The following DCC variants were observed in gnomAD, a reference collection of about 807,000 sequenced individuals.
DCC encodes DCC netrin 1 receptor, also known as netrin receptor DCC.
DCC carries 58 observed loss-of-function variants against 172.5 expected under a neutral mutation model. The observed-to-expected ratio is 0.34, with a 90% CI of 0.27 to 0.42. The LOEUF (loss-of-function observed/expected upper bound fraction) is 0.42, where lower values mean the gene tolerates loss of function less well. Ranked by LOEUF, DCC falls within the 10% of genes least tolerant of loss-of-function variation. The pLI is 1.00. For synonymous variants in DCC, 709 were observed against 644.5 expected (o/e 1.10, Z -1.52); for missense variants, 1,740 against 1,791.0 (o/e 0.97, Z 0.51).
At chr18:52,401,879 C>T (rs1250042500) in intron 1 of DCC, among the ~76,000 whole-genome samples, 1 of 151,880 alleles carries the variant, frequency 6.6e-6, no homozygotes, top group Non-Finnish European at 1.5e-5. Flanking sequence ...TAATTCTCTA[C>T]AAAAATGTAA....
At chr18:52,623,670 C>T (rs902971466) in intron 1 of DCC, among the ~76,000 whole-genome samples, 1 of 152,150 alleles carries the variant, frequency 6.6e-6, no homozygotes, top group East Asian at 1.9e-4. Context: ...ATTTTCTAAA[C>T]AAGGTTATTC....
chr18:53,467,250 C>G (rs1254495362), intron 24 of DCC, among the ~76,000 whole-genome samples: 3 of 152,008 alleles, frequency 2.0e-5, no homozygotes, highest in Non-Finnish European at 4.4e-5. Flanking sequence ...GGAACATACA[C>G]TATTCAGAAC....
chr18:52,580,530 G>A (rs1020086925), intron 1 of DCC, among the ~76,000 whole-genome samples: 1 of 152,166 alleles, frequency 6.6e-6, no homozygotes, highest in Non-Finnish European at 1.5e-5. Context: ...TTAAGCCATA[G>A]CTGAAGCCAT....
At chr18:53,524,903 A>G (rs1032373330) in intron 27 of DCC, among the ~76,000 whole-genome samples, 1 of 152,006 alleles carries the variant, frequency 6.6e-6, no homozygotes, top group Non-Finnish European at 1.5e-5. Context: ...TGGCACCCCC[A>G]TGTGTGAACT....
At chr18:53,190,933 G>GA (rs1357582264) in intron 9 of DCC, among the ~76,000 whole-genome samples, 1 of 152,084 alleles carries the variant, frequency 6.6e-6, no homozygotes, top group Non-Finnish European at 1.5e-5. Flanking sequence ...GAGACAGAGC[G>GA]GACTCCGTCT....
chr18:52,463,661 G>A (rs1011053172), intron 1 of DCC, among the ~76,000 whole-genome samples: 5 of 152,142 alleles, frequency 3.3e-5, no homozygotes, highest in South Asian at 4.1e-4. Context: ...GTCTTAGGTG[G>A]AGGTAACTGT....
At chr18:52,916,606 C>T (rs1241161250) in intron 3 of DCC, among the ~76,000 whole-genome samples, 1 of 152,094 alleles carries the variant, frequency 6.6e-6, no homozygotes, top group African/African-American at 2.4e-5. Flanking sequence ...TTCAAAATAC[C>T]AGCTAGATCA....
chr18:53,010,211 A>T (rs1209851572), intron 5 of DCC, among the ~76,000 whole-genome samples: 1 of 151,934 alleles, frequency 6.6e-6, no homozygotes, highest in African/African-American at 2.4e-5. Context: ...TGTTGTCATG[A>T]TTGAAAATAC....
At chr18:52,355,061 G>A (rs1446006468) in intron 1 of DCC, among the ~76,000 whole-genome samples, 1 of 152,162 alleles carries the variant, frequency 6.6e-6, no homozygotes, top group East Asian at 1.9e-4. Flanking sequence ...GATAAAGTAG[G>A]TGAATAATTA....
chr18:52,777,770 G>GGGGAAAAAA (rs369140038), intron 2 of DCC, among the ~76,000 whole-genome samples: 244 of 138,792 alleles, frequency 1.8e-3, no homozygotes, highest in African/African-American at 6.0e-3. Flanking sequence ...GATCTCCAGG[G>GGGGAAAAAA]AAAAAAAAAG....
At chr18:52,910,166 G>T (rs765347343) in intron 3 of DCC, among the ~76,000 whole-genome samples, 1 of 152,090 alleles carries the variant, frequency 6.6e-6, no homozygotes, top group Non-Finnish European at 1.5e-5. Flanking sequence ...ATCCAGAAAT[G>T]ATGTTTGGTT....
In DCC at chr18:53,410,586, G is replaced by A; in HGVS notation, c.3070G>A (p.Ala1024Thr). The change falls in exon 20 of 29, where the codon GCA becomes ACA. Residue 1024 changes from alanine to threonine, a missense_variant. Coordinates refer to ENST00000442544, the MANE Select transcript of DCC (RefSeq NM_005215.4). Reference protein sequence around the residue: ...LDTMYYFRIQARNSKGVGPLS... With the variant: ...LDTMYYFRIQTRNSKGVGPLS... ...TACTATGTATTACTTTCGAATTCAA[G>A]CACGAAATTCAAAAGGAGTGGGGCC... is the stretch of plus-strand genomic sequence containing the variant. The A allele has an allele frequency of 6.2e-7, 1 of 1,611,458 alleles. No individual in the cohort carries two copies. Among genetic ancestry groups the A allele is most frequent in the African/African-American group, 1.3e-5 (1 of 74,986 alleles).
At chr18:52,479,908 T>C (rs920639997) in intron 1 of DCC, among the ~76,000 whole-genome samples, 1 of 151,634 alleles carries the variant, frequency 6.6e-6, no homozygotes, top group Non-Finnish European at 1.5e-5. Flanking sequence ...AGTTCCATGC[T>C]ATTTTTTGAT....
chr18:53,012,214 G>A (rs905353697), intron 5 of DCC, among the ~76,000 whole-genome samples: 8 of 151,634 alleles, frequency 5.3e-5, no homozygotes, highest in Admixed American at 1.3e-4. Context: ...CAAGTGCATC[G>A]GTATATAAAA....
chr18:52,827,965 T>TAG (rs2038542028), intron 2 of DCC, among the ~76,000 whole-genome samples: 1 of 146,968 alleles, frequency 6.8e-6, no homozygotes, highest in Middle Eastern at 3.5e-3. Flanking sequence ...ATAGTAGTAG[T>TAG]TTTTTTTTTT....
At chr18:53,410,859 C>CT (rs1455368440) in intron 20 of DCC, among the ~76,000 whole-genome samples, 1 of 148,198 alleles carries the variant, frequency 6.7e-6, no homozygotes, top group East Asian at 1.9e-4. Context: ...TTTAACATGA[C>CT]TTTTTTCATT....
chr18:53,237,757 T>C (rs1417576265), intron 12 of DCC, among the ~76,000 whole-genome samples: 1 of 152,202 alleles, frequency 6.6e-6, no homozygotes, highest in Non-Finnish European at 1.5e-5. Flanking sequence ...AAAATCATTA[T>C]TGAGTATACA....
intron 9 of DCC, among the ~76,000 whole-genome samples, chr18:53,196,822 G>A (rs1201146337): frequency 6.6e-6 from 1 of 152,040 alleles, no homozygotes; most frequent in Non-Finnish European, 1.5e-5. Flanking sequence ...GGTAATAACT[G>A]CTTCCTCCAA....
chr18:53,161,499 T>G (rs968210246), intron 8 of DCC, among the ~76,000 whole-genome samples: 2 of 152,240 alleles, frequency 1.3e-5, no homozygotes, highest in Non-Finnish European at 2.9e-5. Flanking sequence ...TGACTTTATA[T>G]TCTGTGAACA....
Sources: gnomAD v4.1 joint callset for allele counts (sites outside exome capture counted in the v4.1 genomes callset) on GRCh38, gnomAD v4.1.1 for gene constraint, MANE v1.5 for transcripts, NCBI Gene and HGNC (gene_info 2026-07-23, HGNC 2026-07-21) for gene names.